The following CSMD3 variants were observed in gnomAD, a reference collection of about 807,000 sequenced individuals.
CSMD3 encodes the protein CUB and Sushi multiple domains 3.
Under a neutral mutation model 435.2 loss-of-function variants are expected in CSMD3, and 177 were observed. That is an observed-to-expected ratio of 0.41 (90% CI 0.36 to 0.46). The LOEUF is 0.46. CSMD3 is among the 20% of genes least tolerant of loss of function. The pLI is 0.34. For synonymous variants in CSMD3, 1,656 were observed against 1,520.5 expected (o/e 1.09, Z -2.07); for missense variants, 4,265 against 4,504.6 (o/e 0.95, Z 1.52).
intron 1 of CSMD3, among the ~76,000 whole-genome samples, chr8:113,429,594 C>T (rs570369761): frequency 9.2e-5 from 14 of 152,126 alleles, no homozygotes; most frequent in Admixed American, 2.6e-4. Context: ...CTTTTGTCTT[C>T]TACCAAATAA....
intron 58 of CSMD3, among the ~76,000 whole-genome samples, chr8:112,281,999 T>C (rs1818698394): frequency 1.3e-5 from 2 of 152,138 alleles, no homozygotes. Context: ...CTATTTTATA[T>C]ATGTGTTTAA....
chr8:113,335,619 A>G (rs575388098), intron 1 of CSMD3, among the ~76,000 whole-genome samples: 1 of 128,364 alleles, frequency 7.8e-6, no homozygotes, highest in East Asian at 2.5e-4. Flanking sequence ...AATATATATT[A>G]CAATGTTGTG....
intron 38 of CSMD3, among the ~76,000 whole-genome samples, chr8:112,365,468 C>CTTTTTTTTTTTTTTTTTTTTTTTTTTTT (rs546920182): frequency 8.9e-6 from 1 of 112,648 alleles, no homozygotes; most frequent in Non-Finnish European, 1.7e-5. Context: ...CATAGATTTC[C>CTTTTTTTTTTTTTTTTTTTTTTTTTTTT]TTTTTTTTTT....
intron 3 of CSMD3, among the ~76,000 whole-genome samples, chr8:113,235,273 T>A (rs938662924): frequency 6.6e-6 from 1 of 152,120 alleles, no homozygotes; most frequent in Non-Finnish European, 1.5e-5. Flanking sequence ...TGTCCCTCCC[T>A]ACCTTCCTGT....
chr8:113,021,574 C>T (rs1336253134), intron 5 of CSMD3, among the ~76,000 whole-genome samples: 1 of 151,966 alleles, frequency 6.6e-6, no homozygotes, highest in Admixed American at 6.6e-5. Flanking sequence ...AGACCCAGTT[C>T]AGTACATGAG....
At chr8:112,659,182 T>A (rs1486828087) in intron 17 of CSMD3, among the ~76,000 whole-genome samples, 2 of 152,004 alleles carry the variant, frequency 1.3e-5, no homozygotes, top group African/African-American at 4.8e-5. Flanking sequence ...TCAGTACCAG[T>A]GAATCTTTAA....
At chr8:112,911,624 T>C (rs923570379) in intron 10 of CSMD3, among the ~76,000 whole-genome samples, 82 of 112,588 alleles carry the variant, frequency 7.3e-4, no homozygotes, top group African/African-American at 2.8e-3. Context: ...CCATTGTGTG[T>C]GTGTGTGTAC....
At chr8:112,907,520 T>C (rs2082296294) in intron 10 of CSMD3, among the ~76,000 whole-genome samples, 1 of 151,314 alleles carries the variant, frequency 6.6e-6, no homozygotes. Context: ...TTACTTGTAG[T>C]CAGTACAATT....
At chr8:113,015,405 T>C (rs2086417878) in intron 6 of CSMD3, among the ~76,000 whole-genome samples, 1 of 152,010 alleles carries the variant, frequency 6.6e-6, no homozygotes, top group Admixed American at 6.6e-5. Flanking sequence ...GTAAAATATT[T>C]GCCTGCATAA....
chr8:112,455,046 A>C (rs1816690152), intron 32 of CSMD3, among the ~76,000 whole-genome samples: 1 of 151,876 alleles, frequency 6.6e-6, no homozygotes, highest in African/African-American at 2.4e-5. Flanking sequence ...AAAAAAACCA[A>C]CCAATAAACA....
At chr8:112,442,989 G>A (rs1237469681) in intron 32 of CSMD3, among the ~76,000 whole-genome samples, 3 of 152,022 alleles carry the variant, frequency 2.0e-5, no homozygotes, top group Admixed American at 2.0e-4. Context: ...TGTTTTTGGG[G>A]GTCTCTAGGG....
At chr8:113,344,182 C>G (rs1174262028) in intron 1 of CSMD3, among the ~76,000 whole-genome samples, 1 of 151,968 alleles carries the variant, frequency 6.6e-6, no homozygotes, top group Non-Finnish European at 1.5e-5. Flanking sequence ...CTTGAAATAT[C>G]TTATGCCTAT....
At chr8:112,421,902 A>T (rs1184414323) in intron 32 of CSMD3, among the ~76,000 whole-genome samples, 4 of 152,050 alleles carry the variant, frequency 2.6e-5, no homozygotes, top group Admixed American at 1.3e-4. Context: ...TATCAGCTTC[A>T]TTGATCCTCA....
intron 32 of CSMD3, among the ~76,000 whole-genome samples, chr8:112,435,858 A>G (rs1429294776): frequency 1.3e-5 from 2 of 152,054 alleles, no homozygotes; most frequent in African/African-American, 4.8e-5. Context: ...TGGTAGAGAT[A>G]CAATCTTGAT....
intron 27 of CSMD3, among the ~76,000 whole-genome samples, chr8:112,540,542 A>C (rs192607115): frequency 6.6e-6 from 1 of 152,158 alleles, no homozygotes; most frequent in East Asian, 1.9e-4. Flanking sequence ...TCATTTGATG[A>C]GTGGATAAAG....
intron 6 of CSMD3, among the ~76,000 whole-genome samples, chr8:113,000,911 C>T (rs1167140252): frequency 6.6e-6 from 1 of 152,024 alleles, no homozygotes; most frequent in Admixed American, 6.6e-5. Context: ...ACTTAAACAT[C>T]ACAGTCCACA....
intron 5 of CSMD3, among the ~76,000 whole-genome samples, chr8:113,078,507 A>C (rs1032548489): frequency 6.6e-6 from 1 of 152,208 alleles, no homozygotes; most frequent in African/African-American, 2.4e-5. Context: ...ATGAAAGCTC[A>C]GACTACCTCT....
chr8:112,309,247 G>A (rs912026586), intron 50 of CSMD3, among the ~76,000 whole-genome samples: 4 of 151,600 alleles, frequency 2.6e-5, no homozygotes, highest in African/African-American at 7.3e-5. Flanking sequence ...GAAAGCATGC[G>A]GTATTTTTAT....
chr8:112,229,534 T>A (rs760739073), intron 69 of CSMD3, among the ~76,000 whole-genome samples: 4 of 152,092 alleles, frequency 2.6e-5, no homozygotes, highest in Non-Finnish European at 5.9e-5. Context: ...GCTCAAGCGA[T>A]CTTCCTGCCT....
Sources: gnomAD v4.1 joint callset for allele counts (sites outside exome capture counted in the v4.1 genomes callset) on GRCh38, gnomAD v4.1.1 for gene constraint, MANE v1.5 for transcripts, NCBI Gene and HGNC (gene_info 2026-07-23, HGNC 2026-07-21) for gene names.